The following TARS3 variants were observed in gnomAD, a reference collection of about 807,000 sequenced individuals.
The protein encoded by TARS3 is threonyl-tRNA synthetase 3.
TARS3 carries 94 observed loss-of-function variants against 103.5 expected under a neutral mutation model. The ratio of observed to expected loss-of-function variants is 0.91; its 90% CI spans 0.77 to 1.08. TARS3 has a LOEUF of 1.08. Ranked by LOEUF, TARS3 falls within the 50% of genes least tolerant of loss-of-function variation. The probability of loss-of-function intolerance (pLI) is 0.00; values close to 1 mark genes in which losing one functional copy is unlikely to be tolerated. For synonymous variants in TARS3, 416 were observed against 355.4 expected, an observed-to-expected ratio of 1.17 and a Z score of -1.92; for missense variants, 952 against 995.2, an observed-to-expected ratio of 0.96 and a Z score of 0.58.
intron 5 of TARS3, among the ~76,000 whole-genome samples, chr15:101,711,014 T>A (rs1260765423): frequency 6.6e-6 from 1 of 152,164 alleles, no homozygotes; most frequent in Non-Finnish European, 1.5e-5. Context: ...TGCTAACGAT[T>A]CAAGCATAGG....
At chr15:101,702,106 G>A (rs1037396050) in intron 9 of TARS3, 133 bp downstream of exon 9, 36 of 937,674 alleles carry the variant, frequency 3.8e-5, no homozygotes, top group Non-Finnish European at 5.5e-5. Context: ...ACTGAGCAGC[G>A]GACTGTGAGT....
At chr15:101,724,067 C>G (rs749988864) in intron 1 of TARS3, 24 bp downstream of exon 1, 23 of 1,355,476 alleles carry the variant, frequency 1.7e-5, no homozygotes, top group Non-Finnish European at 1.8e-5. Context: ...CGCGTCCTCT[C>G]CAGTGTCCCC....
chr15:101,689,906 A>G (rs546255127), intron 10 of TARS3, among the ~76,000 whole-genome samples: 136 of 152,350 alleles, frequency 8.9e-4, no homozygotes, highest in African/African-American at 3.1e-3. Context: ...ATGGGAAAAG[A>G]AGGCTCTGAT....
intron 7 of TARS3, among the ~76,000 whole-genome samples, chr15:101,704,467 A>G (rs1179683691): frequency 6.6e-6 from 1 of 152,102 alleles, no homozygotes; most frequent in African/African-American, 2.4e-5. Context: ...AGCCTCGCCA[A>G]CATAGTGAAA....
chr15:101,703,899 A>T lies in TARS3; in HGVS notation c.1034T>A (p.Val345Glu). ...GGTTTTAATTTTTCCAGTGTGTCTT[A>T]CATGTGGACCTTTGCAAAGGTCAAT... Reference protein sequence around the residue: ...PLIDLCKGPHVRHTGKIKTIK... With the variant: ...PLIDLCKGPHERHTGKIKTIK... Residue 345 changes from valine to glutamate, a missense_variant, in exon 8 of 19, where the codon GTA becomes GAA. Around this residue, in one of 2 missense-constraint regions of TARS3, gnomAD observed 540 missense variants for 631.0 expected, o/e 0.86. Transcript: ENST00000335968. The T allele has an allele frequency of 3.7e-6, 6 of 1,613,332 alleles. No individual in the cohort carries two copies. Among genetic ancestry groups the T allele is most frequent in the Non-Finnish European group, 3.4e-6 (4 of 1,179,726 alleles).
chr15:101,713,512 T>A (rs922533527), intron 4 of TARS3, among the ~76,000 whole-genome samples: 2 of 130,854 alleles, frequency 1.5e-5, no homozygotes, highest in African/African-American at 2.7e-5. Context: ...TATAACAAGG[T>A]GAGTGCGGAT....
intron 10 of TARS3, among the ~76,000 whole-genome samples, chr15:101,691,107 T>G (rs1467624539): frequency 6.7e-6 from 1 of 149,880 alleles, no homozygotes; most frequent in Non-Finnish European, 1.5e-5. Context: ...CCTGGCTAAT[T>G]TTTTTGCATT....
chr15:101,691,051 G>T (rs1898694716), intron 10 of TARS3, among the ~76,000 whole-genome samples: 1 of 151,900 alleles, frequency 6.6e-6, no homozygotes, highest in South Asian at 2.1e-4. Flanking sequence ...CCATTCTCCT[G>T]CCTCAGCCTC....
In TARS3 at chr15:101,653,870, A is replaced by G. The variant is rs1166800998; in HGVS notation, c.*712T>C. The G allele has an allele frequency of 6.6e-6, 1 of 152,262 alleles. No homozygotes were observed. Among genetic ancestry groups the G allele is most frequent in the Non-Finnish European group, 1.5e-5 (1 of 68,046 alleles). The allele number at this position is 152,262 out of a possible 1,614,324, so 9.4% of individuals were successfully genotyped here. ...ATCCATGGAATGTCATCCCATCAAA[A>G]AAGTAACAACTCTAGGTGAGCGGCT... On this transcript the variant is annotated 3_prime_UTR_variant, in exon 19 of 19. Transcript: ENST00000335968.
Position 101,685,919 on chromosome 15 carries a change from T to C in TARS3, c.1464A>G (p.Lys488=). ...ACCAGTGCCCTGGACAATTCATGGG[T>C]TTGAGGGCAAAAGTGTCCTTTTCAA... ...FEIEKDTFAL[K]PMNCPGHCLM... is the part of the protein sequence containing the mutation. Residue 488 remains lysine, a synonymous_variant, in exon 11 of 19, where the codon AAA becomes AAG. Coordinates refer to ENST00000335968, the MANE Select transcript of TARS3 (RefSeq NM_152334.3). The C allele has an allele frequency of 6.2e-7, 1 of 1,613,892 alleles. No homozygotes were observed. The highest frequency in any genetic ancestry group is 1.1e-5 in the South Asian group (1 of 91,058).
chr15:101,721,046 A>C, intron 3 of TARS3, 80 bp downstream of exon 3: 1 of 1,189,192 alleles, frequency 8.4e-7, no homozygotes, highest in Non-Finnish European at 1.2e-6. Flanking sequence ...GTAATATATT[A>C]GCGGTCCCTA....
At chr15:101,686,540 C>T (rs1898482885) in intron 10 of TARS3, among the ~76,000 whole-genome samples, 1 of 152,048 alleles carries the variant, frequency 6.6e-6, no homozygotes, top group Non-Finnish European at 1.5e-5. Context: ...ATGAGCTGGC[C>T]TCTCTCCCTC....
Position 101,690,626 on chromosome 15 carries a change from T to C in TARS3, c.1321-4564A>G, listed in dbSNP as rs148733762. Reference sequence around the variant, plus strand: ...GTATACTGAACCCCCTTCAAGTTAGTATGCATAGATGTATTTTTGTACTAA... The same window carrying C: ...GTATACTGAACCCCCTTCAAGTTAGCATGCATAGATGTATTTTTGTACTAA... On this transcript the variant is annotated intron_variant, in intron 10 of 18. Transcript: ENST00000335968. Among the ~76,000 whole-genome samples, 191 of 152,338 alleles carry C rather than the reference T, an allele frequency of 1.3e-3. 1 individual carries two copies. Among genetic ancestry groups the C allele is most frequent in the Non-Finnish European group, 2.4e-4 (16 of 68,032 alleles).
intron 12 of TARS3, among the ~76,000 whole-genome samples, chr15:101,678,674 CAT>C (rs1491174772): frequency 6.6e-6 from 1 of 152,142 alleles, no homozygotes; most frequent in Non-Finnish European, 1.5e-5. Flanking sequence ...TCAGAAAGAA[CAT>C]GTGATTTTTA....
chr15:101,700,520 A>C (rs146668846), intron 10 of TARS3, among the ~76,000 whole-genome samples: 7 of 152,306 alleles, frequency 4.6e-5, no homozygotes, highest in African/African-American at 1.4e-4. Flanking sequence ...GCTTACCTTT[A>C]TATTCTACAT....
chr15:101,657,047 AT>A lies in TARS3; in HGVS notation c.2146-12del. The A allele has an allele frequency of 1.3e-6, 2 of 1,548,090 alleles. No individual in the cohort carries two copies. Among genetic ancestry groups the A allele is most frequent in the Non-Finnish European group, 1.8e-6 (2 of 1,121,038 alleles). ...AAATTCACTGGATACCTAGAAGAAA[AT>A]GAAACACCTTTACTGTTACATTATG... On this transcript the variant is annotated splice_polypyrimidine_tract_variant and intron_variant, in intron 17 of 18. Coordinates refer to ENST00000335968, the MANE Select transcript of TARS3 (RefSeq NM_152334.3).
intron 16 of TARS3, among the ~76,000 whole-genome samples, chr15:101,660,201 G>C (rs915960384): frequency 6.6e-6 from 1 of 152,222 alleles, no homozygotes; most frequent in South Asian, 2.1e-4. Context: ...AGTAGCAGTG[G>C]GGGCAGTAGT....
intron 10 of TARS3, chr15:101,699,462 T>A (rs772038851): frequency 4.4e-6 from 2 of 455,920 alleles, no homozygotes; most frequent in African/African-American, 2.0e-5. Flanking sequence ...ATCCCCTTAA[T>A]GCCACTGTAA....
At chr15:101,710,844 A>C (rs1596324441) in intron 5 of TARS3, among the ~76,000 whole-genome samples, 1 of 152,196 alleles carries the variant, frequency 6.6e-6, no homozygotes, top group Non-Finnish European at 1.5e-5. Context: ...AGAACTATTT[A>C]GGAGATAAAA....
Sources: gnomAD v4.1 joint callset for allele counts (sites outside exome capture counted in the v4.1 genomes callset) on GRCh38, gnomAD v4.1.1 for gene constraint, gnomAD v4.1.1 regional missense constraint, MANE v1.5 for transcripts, NCBI Gene and HGNC (gene_info 2026-07-23, HGNC 2026-07-21) for gene names.